The following CDK19 variants were observed in gnomAD, a reference collection of about 807,000 sequenced individuals.
The protein encoded by CDK19 is cyclin-dependent kinase 19.
CDK19 carries 20 observed loss-of-function variants against 68.3 expected under a neutral mutation model. The ratio of observed to expected loss-of-function variants is 0.29; its 90% CI spans 0.21 to 0.43. The LOEUF is 0.43. Among genes scored for constraint, CDK19 ranks in the 20% least tolerant of loss-of-function variants. The pLI is 1.00. For synonymous variants in CDK19, 221 were observed against 222.8 expected (o/e 0.99, Z 0.07); for missense variants, 339 against 623.5 (o/e 0.54, Z 4.86).
At chr6:110,653,853 G>T (rs1428771570) in intron 4 of CDK19, among the ~76,000 whole-genome samples, 1 of 152,004 alleles carries the variant, frequency 6.6e-6, no homozygotes, top group Non-Finnish European at 1.5e-5. Flanking sequence ...TTTTCACAGG[G>T]TTAAATATAT....
chr6:110,659,452 G>A (rs909474608), intron 4 of CDK19, among the ~76,000 whole-genome samples: 7 of 152,148 alleles, frequency 4.6e-5, no homozygotes, highest in African/African-American at 1.7e-4. Context: ...AATGCCTCTT[G>A]GCTAGCTGTT....
chr6:110,806,284 G>A (rs1468344953), intron 1 of CDK19, among the ~76,000 whole-genome samples: 15 of 150,970 alleles, frequency 9.9e-5, no homozygotes, highest in Middle Eastern at 3.4e-3. Context: ...AGGTTGCGGT[G>A]AGCCAAGATC....
chr6:110,619,442 G>A (rs1778569796), intron 12 of CDK19, among the ~76,000 whole-genome samples: 1 of 151,832 alleles, frequency 6.6e-6, no homozygotes, highest in Admixed American at 6.6e-5. Flanking sequence ...TGTTGCCTGG[G>A]GCAGCACAGT....
intron 2 of CDK19, among the ~76,000 whole-genome samples, chr6:110,742,111 G>A (rs1777721764): frequency 6.6e-6 from 1 of 152,210 alleles, no homozygotes; most frequent in African/African-American, 2.4e-5. Context: ...GTTGCGGGAA[G>A]TCAGGGACCC....
At chr6:110,752,463 G>A (rs113960509) in intron 1 of CDK19, among the ~76,000 whole-genome samples, 13 of 152,216 alleles carry the variant, frequency 8.5e-5, no homozygotes, top group African/African-American at 3.1e-4. Context: ...ATAAGGTACT[G>A]CTATTATTTT....
chr6:110,626,989 G>T lies in CDK19; in HGVS notation c.790+13C>A. 1.3e-6 allele frequency: 2 copies of T among 1,593,372 alleles called. No individual in the cohort carries two copies. Among genetic ancestry groups the T allele is most frequent in the Non-Finnish European group, 1.7e-6 (2 of 1,171,578 alleles). On this transcript the variant is annotated intron_variant, in intron 7 of 12. Coordinates refer to ENST00000368911, the MANE Select transcript of CDK19 (RefSeq NM_015076.5). ...TGACTCAAAATATGACTTTAAAAAGGAAAATAAATTACCTGCAGGAAACCC... is the reference window on the plus strand; with the variant it reads ...TGACTCAAAATATGACTTTAAAAAGTAAAATAAATTACCTGCAGGAAACCC...
At chr6:110,796,349 C>CAAAT (rs1164061712) in intron 1 of CDK19, among the ~76,000 whole-genome samples, 13 of 151,424 alleles carry the variant, frequency 8.6e-5, no homozygotes, top group East Asian at 1.9e-4. Context: ...AACAAACAAA[C>CAAAT]AAATAAATAA....
intron 2 of CDK19, among the ~76,000 whole-genome samples, chr6:110,712,208 T>C (rs971312300): frequency 2.6e-5 from 4 of 152,212 alleles, no homozygotes; most frequent in Non-Finnish European, 5.9e-5. Flanking sequence ...GAGTAAGTAA[T>C]ACAGCACTTA....
intron 2 of CDK19, among the ~76,000 whole-genome samples, chr6:110,727,986 T>C (rs1776450275): frequency 1.4e-5 from 1 of 70,440 alleles, no homozygotes; most frequent in Non-Finnish European, 3.5e-5. Context: ...AGACCCTGTC[T>C]CAAAAAAAAA....
At chr6:110,649,161 C>T (rs181846966) in intron 4 of CDK19, among the ~76,000 whole-genome samples, 1 of 151,922 alleles carries the variant, frequency 6.6e-6, no homozygotes, top group East Asian at 1.9e-4. Flanking sequence ...AAAATCCCAT[C>T]AGGGATTTTG....
chr6:110,666,220 C>G (rs935570462), intron 4 of CDK19, among the ~76,000 whole-genome samples: 1 of 148,052 alleles, frequency 6.8e-6, no homozygotes, highest in African/African-American at 2.5e-5. Context: ...TCAAGACCAG[C>G]CTGGCCAAGA....
At chr6:110,638,737 C>A (rs777530829) in intron 4 of CDK19, 31 bp from the exon 5 acceptor site, 1 of 1,200,814 alleles carries the variant, frequency 8.3e-7, no homozygotes. Flanking sequence ...TTCAAATTAC[C>A]ATGTTTATTC....
intron 1 of CDK19, among the ~76,000 whole-genome samples, chr6:110,759,424 AAAAAAT>A (rs1562265053): frequency 2.8e-5 from 3 of 108,014 alleles, no homozygotes; most frequent in Non-Finnish European, 3.7e-5. Context: ...AAAAAAAAAA[AAAAAAT>A]ATATATATAT....
chr6:110,762,046 T>C (rs1252933978), intron 1 of CDK19, among the ~76,000 whole-genome samples: 1 of 152,210 alleles, frequency 6.6e-6, no homozygotes, highest in East Asian at 1.9e-4. Flanking sequence ...TGGGGACTGA[T>C]AACTCTGGAG....
intron 8 of CDK19, among the ~76,000 whole-genome samples, chr6:110,626,367 G>A (rs1396254508): frequency 6.6e-6 from 1 of 152,048 alleles, no homozygotes; most frequent in African/African-American, 2.4e-5. Flanking sequence ...TATTCTCATT[G>A]AAATTACTAC....
intron 1 of CDK19, among the ~76,000 whole-genome samples, chr6:110,754,814 T>A (rs1316553787): frequency 6.6e-6 from 1 of 152,082 alleles, no homozygotes; most frequent in Non-Finnish European, 1.5e-5. Context: ...ATTATCTTAC[T>A]TTGAGAATTC....
intron 4 of CDK19, among the ~76,000 whole-genome samples, chr6:110,649,794 A>T (rs1212758795): frequency 1.3e-5 from 2 of 152,190 alleles, no homozygotes; most frequent in Non-Finnish European, 2.9e-5. Context: ...TCACAATAAC[A>T]TACCATTTTA....
chr6:110,623,785 C>T (rs1778879763), intron 8 of CDK19, among the ~76,000 whole-genome samples: 1 of 138,640 alleles, frequency 7.2e-6, no homozygotes, highest in Admixed American at 7.3e-5. Context: ...TACATATATA[C>T]ACATATATAC....
chr6:110,758,498 A>G (rs571267315), intron 1 of CDK19, among the ~76,000 whole-genome samples: 8 of 152,322 alleles, frequency 5.3e-5, no homozygotes, highest in African/African-American at 1.9e-4. Flanking sequence ...GAAGGAGACT[A>G]TCTTGCTCAT....
Sources: gnomAD v4.1 joint callset for allele counts (sites outside exome capture counted in the v4.1 genomes callset) on GRCh38, gnomAD v4.1.1 for gene constraint, MANE v1.5 for transcripts, NCBI Gene and HGNC (gene_info 2026-07-23, HGNC 2026-07-21) for gene names.